DYM: variants seen among roughly 807,000 people sequenced by gnomAD.
DYM encodes the protein dymeclin.
DYM carries 78 observed loss-of-function variants against 93.1 expected under a neutral mutation model. The ratio of observed to expected loss-of-function variants is 0.84; its 90% CI spans 0.70 to 1.01. The LOEUF (loss-of-function observed/expected upper bound fraction) is 1.01, where lower values mean the gene tolerates loss of function less well. DYM is among the 50% of genes least tolerant of loss of function. The probability of loss-of-function intolerance (pLI) is 0.00; values close to 1 mark genes in which losing one functional copy is unlikely to be tolerated. For synonymous variants in DYM, 321 were observed against 319.7 expected (o/e 1.00, Z -0.04); for missense variants, 789 against 845.0 (o/e 0.93, Z 0.82).
chr18:49,317,622 T>TA (rs1353072619), intron 8 of DYM, among the ~76,000 whole-genome samples: 21 of 23,186 alleles, frequency 9.1e-4, no homozygotes, highest in African/African-American at 1.7e-3. Flanking sequence ...CCTCCCTCCC[T>TA]CCCTCCCTCT....
At chr18:49,217,130 G>A (rs994122223) in intron 13 of DYM, among the ~76,000 whole-genome samples, 7 of 152,202 alleles carry the variant, frequency 4.6e-5, no homozygotes, top group Admixed American at 1.3e-4. Context: ...GAGCCAATGC[G>A]ATCAACTGGA....
chr18:49,333,620 A>G, intron 7 of DYM, 108 bp downstream of exon 7: 1 of 1,232,056 alleles, frequency 8.1e-7, no homozygotes, highest in Non-Finnish European at 1.2e-6. Context: ...GAACAACTAG[A>G]GGAAATACCT....
rs369283685 is a variant in DYM at position 49,156,899 on chromosome 18, C to A, written c.1728+6786G>T. Among the ~76,000 whole-genome samples the A allele has an allele frequency of 3.2e-4, 49 of 152,104 alleles. 1 individual carries two copies. The South Asian group carries it at 9.8e-3, about 30-fold the overall frequency. On this transcript the variant is annotated intron_variant, in intron 15 of 17. Coordinates refer to ENST00000675505, the MANE Select transcript of DYM (RefSeq NM_001353214.3). ...GGGTTTTGTGGAGCATCTGGCCAGT[C>A]TCTGCCTCACCTAAAGTCTTTGCCT...
rs139509344 is a variant in DYM, at chr18:49,415,670, G to A, written c.140+14585C>T. Reference sequence around the variant, plus strand: ...TGGCTGGGCATGGTGGCTCATGCCTGTAATCCCAGCACTTTTGGAGGCTGA... The same window carrying A: ...TGGCTGGGCATGGTGGCTCATGCCTATAATCCCAGCACTTTTGGAGGCTGA... On this transcript the variant is annotated intron_variant, in intron 2 of 17. Transcript: ENST00000675505. Among the ~76,000 whole-genome samples the A allele has an allele frequency of 3.6e-3, 548 of 152,146 alleles. 3 individuals are homozygous for A. Among genetic ancestry groups the A allele is most frequent in the Non-Finnish European group, 5.8e-3 (391 of 67,986 alleles).
At chr18:49,356,551 T>C (rs2065584589) in intron 6 of DYM, among the ~76,000 whole-genome samples, 1 of 152,170 alleles carries the variant, frequency 6.6e-6, no homozygotes, top group Admixed American at 6.5e-5. Context: ...TACGGCTAGA[T>C]TCAAAGAAGT....
intron 2 of DYM, among the ~76,000 whole-genome samples, chr18:49,421,795 T>C (rs539919386): frequency 3.3e-5 from 5 of 152,240 alleles, no homozygotes; most frequent in East Asian, 1.9e-4. Context: ...ATAAACCGCA[T>C]AGAGAAGCCC....
intron 15 of DYM, among the ~76,000 whole-genome samples, chr18:49,162,218 G>T (rs1386945561): frequency 1.3e-5 from 2 of 152,080 alleles, no homozygotes; most frequent in Admixed American, 1.3e-4. Flanking sequence ...ATCCTCTAAG[G>T]TCAGGTGATG....
chr18:49,313,387 AG>A (rs1449686428), intron 8 of DYM, among the ~76,000 whole-genome samples: 4 of 134,752 alleles, frequency 3.0e-5, no homozygotes, highest in Non-Finnish European at 3.1e-5. Flanking sequence ...CACTTGAACC[AG>A]GGGGGCGGAG....
At chr18:49,075,007 T>C (rs1284156404) in intron 17 of DYM, among the ~76,000 whole-genome samples, 2 of 152,088 alleles carry the variant, frequency 1.3e-5, no homozygotes, top group African/African-American at 4.8e-5. Flanking sequence ...GGGCTGCTGA[T>C]AAGCAATGGG....
intron 5 of DYM, among the ~76,000 whole-genome samples, chr18:49,365,246 C>A (rs2066415856): frequency 6.6e-6 from 1 of 152,090 alleles, no homozygotes. Context: ...TGCTTTGCCA[C>A]AAAGAACTGG....
chr18:49,067,357 TGGGGTGATG>T (rs2076519829), intron 17 of DYM, among the ~76,000 whole-genome samples: 1 of 112,006 alleles, frequency 8.9e-6, no homozygotes, highest in Non-Finnish European at 1.8e-5. Context: ...GGGGAAGGAG[TGGGGTGATG>T]TGTTATGGAG....
intron 5 of DYM, among the ~76,000 whole-genome samples, chr18:49,364,226 C>A (rs1239433114): frequency 6.6e-6 from 1 of 152,146 alleles, no homozygotes; most frequent in East Asian, 1.9e-4. Context: ...AGGCAGATCA[C>A]CTGAGGTCAG....
chr18:49,289,775 A>G (rs1426793053), intron 8 of DYM, among the ~76,000 whole-genome samples: 2 of 38,418 alleles, frequency 5.2e-5, no homozygotes, highest in African/African-American at 2.2e-4. Flanking sequence ...ATATATATAC[A>G]CATATATATA....
At chr18:49,361,584 G>C (rs185507257) in intron 6 of DYM, among the ~76,000 whole-genome samples, 1 of 152,128 alleles carries the variant, frequency 6.6e-6, no homozygotes, top group Non-Finnish European at 1.5e-5. Flanking sequence ...AATGGTTTGC[G>C]GTCCTCCAAA....
At chr18:49,277,342 G>T (rs2094870451) in intron 10 of DYM, among the ~76,000 whole-genome samples, 1 of 152,168 alleles carries the variant, frequency 6.6e-6, no homozygotes, top group Non-Finnish European at 1.5e-5. Context: ...GAATCCTGCA[G>T]CAGGACACAT....
At chr18:49,284,538 ATCATT>A (rs139528331) in intron 9 of DYM, among the ~76,000 whole-genome samples, 11,999 of 152,152 alleles carry the variant, frequency 0.079, 715 homozygotes, top group East Asian at 0.31. Context: ...ATCTGGGCTA[ATCATT>A]TTAAAGACTT....
intron 2 of DYM, among the ~76,000 whole-genome samples, chr18:49,404,984 G>C (rs563960818): frequency 1.4e-5 from 2 of 144,496 alleles, no homozygotes; most frequent in South Asian, 4.3e-4. Flanking sequence ...TTGCACTCCA[G>C]CCTGGGTGAC....
chr18:49,184,434 T>C (rs1430840686), intron 14 of DYM, among the ~76,000 whole-genome samples: 1 of 152,154 alleles, frequency 6.6e-6, no homozygotes, highest in Non-Finnish European at 1.5e-5. Context: ...ACTGAGGTAG[T>C]AGAGAAGTGC....
intron 8 of DYM, among the ~76,000 whole-genome samples, chr18:49,296,921 T>A (rs1349719821): frequency 6.6e-6 from 1 of 152,228 alleles, no homozygotes; most frequent in Non-Finnish European, 1.5e-5. Context: ...AGTCTTCCTG[T>A]AGACTCCTTG....
Sources: allele counts gnomAD v4.1 joint callset (sites outside exome capture counted in the v4.1 genomes callset), GRCh38; gene constraint gnomAD v4.1.1; transcripts MANE v1.5; gene names NCBI Gene and HGNC (gene_info 2026-07-23, HGNC 2026-07-21).